The following KHDRBS2 variants were observed in gnomAD, a reference collection of about 807,000 sequenced individuals.
KHDRBS2 encodes the protein KH RNA binding domain containing, signal transduction associated 2, also known as KH domain-containing, RNA-binding, signal transduction-associated protein 2.
KHDRBS2 carries 26 observed loss-of-function variants against 44.3 expected under a neutral mutation model. The ratio of observed to expected loss-of-function variants is 0.59; its 90% CI spans 0.43 to 0.81. The LOEUF (loss-of-function observed/expected upper bound fraction) is 0.81, where lower values mean the gene tolerates loss of function less well. KHDRBS2 is among the 40% of genes least tolerant of loss of function. KHDRBS2 has a pLI of 0.00. For missense variants in KHDRBS2, 476 were observed against 433.1 expected, an observed-to-expected ratio of 1.10 and a Z score of -0.88; for synonymous variants, 194 against 151.1, an observed-to-expected ratio of 1.28 and a Z score of -2.08.
rs1390960975 is a variant in KHDRBS2, at chr6:61,701,743, C to A, written c.894-4490G>T. Among the ~76,000 whole-genome samples the A allele has an allele frequency of 2.6e-5, 4 of 151,896 alleles. No homozygotes were observed. The East Asian group carries it at 7.8e-4, about 29-fold the overall frequency. Reference sequence around the variant, plus strand: ...CACTGCTGTTTCTAGGTGCCTTTACCTCTTGGCAGGATTTTATAACTGTTA... The same window carrying A: ...CACTGCTGTTTCTAGGTGCCTTTACATCTTGGCAGGATTTTATAACTGTTA... On this transcript the variant is annotated intron_variant, in intron 7 of 8. Coordinates refer to ENST00000281156, the MANE Select transcript of KHDRBS2 (RefSeq NM_152688.4).
At chr6:61,924,474 T>A (rs998929527) in intron 4 of KHDRBS2, among the ~76,000 whole-genome samples, 4 of 151,726 alleles carry the variant, frequency 2.6e-5, no homozygotes, top group Middle Eastern at 3.2e-3. Context: ...TAAGTCAAAT[T>A]AAAAAATTAA....
chr6:61,982,670 CA>C (rs1264177227), intron 3 of KHDRBS2, among the ~76,000 whole-genome samples: 3,878 of 66,032 alleles, frequency 0.059, 113 homozygotes, highest in African/African-American at 0.13. Context: ...AACTCTGTCT[CA>C]AAAAAAAAAA....
At chr6:62,253,093 A>G (rs1308141946) in intron 1 of KHDRBS2, among the ~76,000 whole-genome samples, 1 of 151,982 alleles carries the variant, frequency 6.6e-6, no homozygotes, top group African/African-American at 2.4e-5. Flanking sequence ...ATACAACATT[A>G]TATTCTTTAC....
At chr6:62,243,604 C>CAAAA (rs11306947) in intron 1 of KHDRBS2, among the ~76,000 whole-genome samples, 1 of 116,476 alleles carries the variant, frequency 8.6e-6, no homozygotes, top group African/African-American at 2.8e-5. Flanking sequence ...CATACCTATA[C>CAAAA]AAAAAAAAAA....
intron 1 of KHDRBS2, among the ~76,000 whole-genome samples, chr6:62,278,275 C>T (rs1841293143): frequency 1.3e-5 from 2 of 152,138 alleles, no homozygotes; most frequent in Admixed American, 6.5e-5. Context: ...GCTGATGATA[C>T]TACACAGTTA....
chr6:61,745,013 G>A (rs1403749224), intron 6 of KHDRBS2, among the ~76,000 whole-genome samples: 1 of 152,000 alleles, frequency 6.6e-6, no homozygotes, highest in African/African-American at 2.4e-5. Context: ...ACTATTTTTG[G>A]TGATGAACAC....
chr6:61,679,231 T>C (rs1766110386), downstream of KHDRBS2, among the ~76,000 whole-genome samples: 1 of 151,916 alleles, frequency 6.6e-6, no homozygotes, highest in Admixed American at 6.6e-5. Flanking sequence ...CACTTTCTTT[T>C]TTTCCATCAA....
chr6:61,729,447 G>T (rs1202569438), intron 7 of KHDRBS2, among the ~76,000 whole-genome samples: 1 of 152,012 alleles, frequency 6.6e-6, no homozygotes, highest in Non-Finnish European at 1.5e-5. Flanking sequence ...ATTTCACTTG[G>T]GTAAATACCG....
At chr6:61,785,495 T>C (rs1783661165) in intron 6 of KHDRBS2, among the ~76,000 whole-genome samples, 1 of 152,086 alleles carries the variant, frequency 6.6e-6, no homozygotes, top group South Asian at 2.1e-4. Context: ...GCTACTAAGG[T>C]GAAGTGCAAT....
At chr6:62,038,982 T>C (rs547161040) in intron 3 of KHDRBS2, among the ~76,000 whole-genome samples, 83 of 152,154 alleles carry the variant, frequency 5.5e-4, no homozygotes, top group African/African-American at 1.9e-3. Context: ...TTAAGTAAAT[T>C]TTCTTTCTAA....
chr6:62,216,210 C>T (rs137946758), intron 1 of KHDRBS2, among the ~76,000 whole-genome samples: 6 of 151,684 alleles, frequency 4.0e-5, no homozygotes, highest in East Asian at 3.9e-4. Context: ...CAAGAAAACT[C>T]GCTTTCAAGG....
In KHDRBS2 at chr6:61,928,883, T is replaced by C. The variant is rs139425750; in HGVS notation, c.484-27512A>G. 2.5e-3 allele frequency among the ~76,000 whole-genome samples: 377 copies of C among 152,284 alleles called. 3 individuals are homozygous for C. Among genetic ancestry groups the C allele is most frequent in the African/African-American group, 8.4e-3 (351 of 41,582 alleles). Reference sequence around the variant, plus strand: ...ATAAAACTAGGATTGTTTGTTATACTATAAAATTTATTTTCTTTCTGATTC... The same window carrying C: ...ATAAAACTAGGATTGTTTGTTATACCATAAAATTTATTTTCTTTCTGATTC... On this transcript the variant is annotated intron_variant, in intron 4 of 8. Transcript: ENST00000281156.
At chr6:61,623,918 G>T in the KHDRBS2 span, among the ~76,000 whole-genome samples, 5 of 152,130 alleles carry the variant, frequency 3.3e-5, no homozygotes, top group Non-Finnish European at 7.3e-5. Context: ...TTTCCTAATG[G>T]GTAGAGCTGC....
chr6:61,919,388 A>G (rs995332715), intron 4 of KHDRBS2, among the ~76,000 whole-genome samples: 2 of 151,910 alleles, frequency 1.3e-5, no homozygotes, highest in Non-Finnish European at 2.9e-5. Flanking sequence ...ACATTATAGC[A>G]AAATGGGCAA....
chr6:61,666,879 G>A, the KHDRBS2 span, among the ~76,000 whole-genome samples: 1 of 151,146 alleles, frequency 6.6e-6, no homozygotes, highest in Non-Finnish European at 1.5e-5. Flanking sequence ...TCCTCCAGAT[G>A]GCTACACTTT....
intron 2 of KHDRBS2, among the ~76,000 whole-genome samples, chr6:62,078,782 T>C (rs1164679425): frequency 6.6e-6 from 1 of 152,050 alleles, no homozygotes; most frequent in East Asian, 1.9e-4. Flanking sequence ...ACTTCCATGA[T>C]GTTAAAAGGT....
At chr6:61,923,670 T>C (rs1198524024) in intron 4 of KHDRBS2, among the ~76,000 whole-genome samples, 1 of 152,096 alleles carries the variant, frequency 6.6e-6, no homozygotes, top group East Asian at 1.9e-4. Context: ...GTAGAAGAGA[T>C]CTTGCTCAAT....
chr6:61,555,123 C>T, the KHDRBS2 span, among the ~76,000 whole-genome samples: 1 of 152,090 alleles, frequency 6.6e-6, no homozygotes, highest in South Asian at 2.1e-4. Flanking sequence ...CTTTCTCTTC[C>T]TGTCTTTCAG....
the KHDRBS2 span, among the ~76,000 whole-genome samples, chr6:61,568,315 C>T: frequency 0.35 from 52,879 of 151,970 alleles, 9,873 homozygotes; most frequent in East Asian, 0.49. Context: ...ATTTCTTTGG[C>T]TGCTCAGGCT....
Sources: allele counts gnomAD v4.1 joint callset (sites outside exome capture counted in the v4.1 genomes callset), GRCh38; gene constraint gnomAD v4.1.1; transcripts MANE v1.5; gene names NCBI Gene and HGNC (gene_info 2026-07-23, HGNC 2026-07-21).